Variants in ARK2N observed in about 807,000 individuals in gnomAD.
ARK2N encodes protein ARK2N.
chr18:46,193,120 T>C, the ARK2N span, among the ~76,000 whole-genome samples: 1 of 151,778 alleles, frequency 6.6e-6, no homozygotes, highest in African/African-American at 2.4e-5. Context: ...TGAGCTGAGA[T>C]TGCACCACTG....
the ARK2N span, among the ~76,000 whole-genome samples, chr18:46,244,843 C>A: frequency 2.1e-4 from 32 of 151,930 alleles, no homozygotes; most frequent in Middle Eastern, 3.4e-3. Context: ...TCCAGTGATC[C>A]GCCTGTCTTG....
chr18:46,181,667 A>G, the ARK2N span, among the ~76,000 whole-genome samples: 3 of 152,246 alleles, frequency 2.0e-5, no homozygotes, highest in East Asian at 5.8e-4. Flanking sequence ...GTGAGCCAAG[A>G]TCGCGCCACT....
chr18:46,238,691 T>G, the ARK2N span, among the ~76,000 whole-genome samples: 1 of 152,198 alleles, frequency 6.6e-6, no homozygotes, highest in Non-Finnish European at 1.5e-5. Flanking sequence ...ACTTTTATGT[T>G]TGGTCATTTT....
chr18:46,197,821 G>T, the ARK2N span, among the ~76,000 whole-genome samples: 18 of 152,298 alleles, frequency 1.2e-4, no homozygotes, highest in Non-Finnish European at 2.5e-4. Flanking sequence ...TGTGTTGGTA[G>T]TTCCTTGATT....
chr18:46,184,153 G>A, the ARK2N span, among the ~76,000 whole-genome samples: 1 of 152,140 alleles, frequency 6.6e-6, no homozygotes, highest in South Asian at 2.1e-4. Context: ...ACCACGCTTG[G>A]CTAATTTTTG....
At chr18:46,220,153 A>G in the ARK2N span, among the ~76,000 whole-genome samples, 4 of 152,192 alleles carry the variant, frequency 2.6e-5, no homozygotes, top group Non-Finnish European at 5.9e-5. Flanking sequence ...AGTTCCAAAA[A>G]TAATACCCCT....
the ARK2N span, among the ~76,000 whole-genome samples, chr18:46,224,323 C>T: frequency 6.6e-6 from 1 of 151,970 alleles, no homozygotes; most frequent in African/African-American, 2.4e-5. Flanking sequence ...TAAAAGCTGA[C>T]CCAGAGGTAT....
chr18:46,239,914 A>C, the ARK2N span: 1 of 1,171,968 alleles, frequency 8.5e-7, no homozygotes, highest in East Asian at 2.3e-5. Context: ...AGAATAATGA[A>C]GGCAACTGAC....
chr18:46,243,805 A>G, the ARK2N span, among the ~76,000 whole-genome samples: 3 of 152,324 alleles, frequency 2.0e-5, no homozygotes, highest in South Asian at 2.1e-4. Context: ...CCTTTATAGT[A>G]TCTACTCCAA....
At chr18:46,257,839 C>T in the ARK2N span, among the ~76,000 whole-genome samples, 6 of 152,074 alleles carry the variant, frequency 3.9e-5, no homozygotes, top group East Asian at 9.6e-4. Flanking sequence ...ATCCTGTGAT[C>T]ATTGGCGTTA....
the ARK2N span, among the ~76,000 whole-genome samples, chr18:46,195,639 C>T: frequency 7.3e-6 from 1 of 136,528 alleles, no homozygotes; most frequent in African/African-American, 2.9e-5. Context: ...TGCAGTGGCA[C>T]GATCTGGACT....
the ARK2N span, among the ~76,000 whole-genome samples, chr18:46,231,566 C>CTTTT: frequency 9.9e-6 from 1 of 100,780 alleles, no homozygotes; most frequent in Non-Finnish European, 2.0e-5. Flanking sequence ...AGGTTTGGGG[C>CTTTT]TTTTTTTTTT....
chr18:46,189,726 T>C, the ARK2N span, among the ~76,000 whole-genome samples: 44 of 152,166 alleles, frequency 2.9e-4, no homozygotes, highest in Non-Finnish European at 5.6e-4. Flanking sequence ...TACCTGGGCT[T>C]GGTGGCATGT....
chr18:46,205,963 G>A, the ARK2N span, among the ~76,000 whole-genome samples: 1 of 151,810 alleles, frequency 6.6e-6, no homozygotes, highest in Non-Finnish European at 1.5e-5. Context: ...CTCCTGGACT[G>A]AAGCTACCCT....
chr18:46,259,814 TTGAC>T, the ARK2N span, among the ~76,000 whole-genome samples: 2 of 22,774 alleles, frequency 8.8e-5, no homozygotes, highest in African/African-American at 2.5e-4. Context: ...GTGTGTGTGT[TTGAC>T]AGAGATGGGG....
chr18:46,210,350 A>G, the ARK2N span, among the ~76,000 whole-genome samples: 26 of 152,352 alleles, frequency 1.7e-4, no homozygotes, highest in African/African-American at 6.3e-4. Context: ...GGCATTGTCA[A>G]AGATAACTCA....
At chr18:46,187,890 T>G in the ARK2N span, among the ~76,000 whole-genome samples, 1 of 152,078 alleles carries the variant, frequency 6.6e-6, no homozygotes, top group East Asian at 1.9e-4. Context: ...AAAAAATAAC[T>G]TAAAAAATTT....
the ARK2N span, among the ~76,000 whole-genome samples, chr18:46,221,130 T>G: frequency 1.3e-5 from 2 of 151,984 alleles, no homozygotes; most frequent in East Asian, 3.9e-4. Flanking sequence ...AGCGAGACTC[T>G]GTCTCAAAAA....
At chr18:46,234,055 TCTTC>T in the ARK2N span, among the ~76,000 whole-genome samples, 1 of 152,212 alleles carries the variant, frequency 6.6e-6, no homozygotes, top group Non-Finnish European at 1.5e-5. Flanking sequence ...TTGATGAAAT[TCTTC>T]TTTTCTAAGA....
Sources: allele counts gnomAD v4.1 joint callset (sites outside exome capture counted in the v4.1 genomes callset), GRCh38; gene constraint gnomAD v4.1.1; transcripts MANE v1.5; gene names NCBI Gene and HGNC (gene_info 2026-07-23, HGNC 2026-07-21).